The following LRRC53 variants were observed in gnomAD, a reference collection of about 807,000 sequenced individuals.
The protein encoded by LRRC53 is leucine rich repeat containing 53, also known as leucine-rich repeat-containing protein 53.
Under a neutral mutation model 13.6 loss-of-function variants are expected in LRRC53, and 25 were observed. That is an observed-to-expected ratio of 1.83 (90% CI 1.34 to 2.56). The LOEUF (loss-of-function observed/expected upper bound fraction) is 2.56, where lower values mean the gene tolerates loss of function less well. LRRC53 is among the 30% of genes most tolerant of loss of function. LRRC53 has a pLI of 0.00. For synonymous variants in LRRC53, 204 were observed against 109.8 expected, an observed-to-expected ratio of 1.86 and a Z score of -5.37; for missense variants, 527 against 275.8, an observed-to-expected ratio of 1.91 and a Z score of -6.45.
intron 3 of LRRC53, among the ~76,000 whole-genome samples, chr1:74,478,878 G>T (rs1668337085): frequency 6.6e-6 from 1 of 152,060 alleles, no homozygotes; most frequent in Non-Finnish European, 1.5e-5. Context: ...TTATTTCTTA[G>T]CACATACAAT....
chr1:74,511,783 T>C (rs1670240498), intron 1 of LRRC53, among the ~76,000 whole-genome samples: 1 of 151,794 alleles, frequency 6.6e-6, no homozygotes, highest in Non-Finnish European at 1.5e-5. Context: ...CCCGTTTCAC[T>C]TGAGTTTGGC....
intron 4 of LRRC53, among the ~76,000 whole-genome samples, chr1:74,473,628 A>G (rs1668047031): frequency 6.6e-6 from 1 of 151,776 alleles, no homozygotes; most frequent in Non-Finnish European, 1.5e-5. Context: ...GGGTGGGGAT[A>G]CTCCATCTCC....
At position 74,489,589 on chromosome 1, in the gene LRRC53, T is replaced by A. The variant is rs1181934058; in HGVS notation, c.-26-6214A>T. On this transcript the variant is annotated intron_variant, in intron 1 of 4. Coordinates refer to ENST00000294635, the MANE Select transcript of LRRC53 (RefSeq NM_001382280.1). ...TCAATTTTTATGCAAAAATTCTTCA[T>A]ACAGAGATTTGTAAGCCATTGTTCA... is the stretch of plus-strand genomic sequence containing the variant. Among the ~76,000 whole-genome samples the A allele has an allele frequency of 2.0e-5, 3 of 152,216 alleles. No homozygotes were observed. The East Asian group carries it at 5.8e-4, about 29-fold the overall frequency.
At chr1:74,521,626 C>T in the LRRC53 span, among the ~76,000 whole-genome samples, 616 of 152,172 alleles carry the variant, frequency 4.0e-3, 6 homozygotes, top group African/African-American at 0.014. Context: ...TTGGTAAAGA[C>T]GCACTATATT....
At chr1:74,516,286 C>T (rs536071202), upstream of LRRC53, among the ~76,000 whole-genome samples, 7 of 152,262 alleles carry the variant, frequency 4.6e-5, no homozygotes, top group South Asian at 1.2e-3. Flanking sequence ...CACTCATCTG[C>T]TCAATCACTA....
upstream of LRRC53, among the ~76,000 whole-genome samples, chr1:74,516,019 C>G (rs1221583718): frequency 1.3e-5 from 2 of 152,110 alleles, no homozygotes; most frequent in African/African-American, 4.8e-5. Flanking sequence ...TCTTTAGGAG[C>G]CTCACTAGAG....
chr1:74,511,105 C>G (rs1028418721), intron 1 of LRRC53, among the ~76,000 whole-genome samples: 7 of 152,072 alleles, frequency 4.6e-5, no homozygotes, highest in African/African-American at 1.7e-4. Flanking sequence ...CCAGGCTGGT[C>G]TGGAACTCCT....
chr1:74,520,111 T>C, the LRRC53 span, among the ~76,000 whole-genome samples: 41 of 152,048 alleles, frequency 2.7e-4, no homozygotes, highest in African/African-American at 8.7e-4. Context: ...ACCTGAGCAG[T>C]ATATGCTGAA....
At chr1:74,494,726 G>A (rs1669242763) in intron 1 of LRRC53, among the ~76,000 whole-genome samples, 1 of 152,178 alleles carries the variant, frequency 6.6e-6, no homozygotes, top group African/African-American at 2.4e-5. Flanking sequence ...CCATGTACTA[G>A]CTCAATGACC....
At position 74,470,527 on chromosome 1, in the gene LRRC53, A is replaced by G. The variant is rs868095268; in HGVS notation, c.3095T>C (p.Ile1032Thr). The change falls in exon 5 of 5, where the codon ATA (isoleucine) becomes ACA (threonine). Residue 1032 changes from isoleucine to threonine, a missense_variant. Coordinates refer to ENST00000294635, the MANE Select transcript of LRRC53 (RefSeq NM_001382280.1). ...AGTACTGATATCCTTGGGAAGTTCT[A>G]TTCTATTTTGGTATGGAATTGAATT... ...KTNSIPYQNRIELPKDISTSP... is the reference protein window; with the variant it reads ...KTNSIPYQNRTELPKDISTSP... The G allele has an allele frequency of 7.5e-6, 3 of 400,686 alleles. No homozygotes were observed. The highest frequency in any genetic ancestry group is 4.1e-5 in the African/African-American group (2 of 48,804). The allele number at this position is 400,686 out of a possible 1,614,324, so 24.8% of individuals were successfully genotyped here.
upstream of LRRC53, among the ~76,000 whole-genome samples, chr1:74,516,285 G>T (rs1570729471): frequency 6.6e-6 from 1 of 152,266 alleles, no homozygotes; most frequent in East Asian, 1.9e-4. Context: ...TCACTCATCT[G>T]CTCAATCACT....
chr1:74,509,054 C>T (rs373943015), intron 1 of LRRC53, among the ~76,000 whole-genome samples: 9 of 152,200 alleles, frequency 5.9e-5, no homozygotes, highest in African/African-American at 2.2e-4. Context: ...CTGTGTCTAT[C>T]TGAAATTCGG....
At chr1:74,508,336 C>T (rs45589136) in intron 1 of LRRC53, among the ~76,000 whole-genome samples, 2,049 of 152,184 alleles carry the variant, frequency 0.013, 44 homozygotes, top group African/African-American at 0.047. Flanking sequence ...TTATTTTGTA[C>T]CAGATAACAG....
chr1:74,484,118 TA>T (rs1472220408), intron 1 of LRRC53, among the ~76,000 whole-genome samples: 2 of 151,698 alleles, frequency 1.3e-5, no homozygotes, highest in Non-Finnish European at 2.9e-5. Flanking sequence ...ACCTTTATTT[TA>T]AAGCTTTCTC....
intron 3 of LRRC53, among the ~76,000 whole-genome samples, chr1:74,479,297 CTAAG>C (rs1287138292): frequency 2.6e-5 from 4 of 152,138 alleles, no homozygotes; most frequent in Admixed American, 1.3e-4. Context: ...ACTAATGACA[CTAAG>C]TGTCATTTTA....
At chr1:74,510,799 C>G (rs1326706345) in intron 1 of LRRC53, among the ~76,000 whole-genome samples, 1 of 152,228 alleles carries the variant, frequency 6.6e-6, no homozygotes, top group Non-Finnish European at 1.5e-5. Context: ...TCTAGGTACA[C>G]AGCACTGTGT....
chr1:74,519,565 G>A, the LRRC53 span, among the ~76,000 whole-genome samples: 1 of 126,204 alleles, frequency 7.9e-6, no homozygotes, highest in Non-Finnish European at 1.5e-5. Flanking sequence ...ACTTTTTAAT[G>A]ATTGCCTTAC....
intron 1 of LRRC53, among the ~76,000 whole-genome samples, chr1:74,504,372 C>T (rs967474511): frequency 6.6e-6 from 1 of 152,140 alleles, no homozygotes; most frequent in Non-Finnish European, 1.5e-5. Context: ...CTCCAGCCCT[C>T]CTGAATGCTG....
In LRRC53 at chr1:74,470,770, G is replaced by T. The variant is rs491922; in HGVS notation, c.2852C>A (p.Ala951Asp). 2.5e-5 allele frequency: 10 copies of T among 400,266 alleles called. No individual in the cohort carries two copies. Among genetic ancestry groups the T allele is most frequent in the Non-Finnish European group, 2.7e-5 (6 of 226,116 alleles). 24.8% of individuals were successfully genotyped at this position (400,266 alleles called of 1,614,324 possible). ...TGAATTTTGCTCTCTGTGTTGTAAGGCTTCATTTTGGTCTAAAGTGTATTC... is the reference window on the plus strand; with the variant it reads ...TGAATTTTGCTCTCTGTGTTGTAAGTCTTCATTTTGGTCTAAAGTGTATTC... ...NKEYTLDQNEALQHREQNSSH... is the reference protein window; with the variant it reads ...NKEYTLDQNEDLQHREQNSSH... The change falls in exon 5 of 5, where the codon GCC (alanine) becomes GAC (aspartate). Residue 951 changes from alanine (A) to aspartate (D), a missense_variant. Transcript: ENST00000294635.
Sources: gnomAD v4.1 joint callset for allele counts (sites outside exome capture counted in the v4.1 genomes callset) on GRCh38, gnomAD v4.1.1 for gene constraint, MANE v1.5 for transcripts, NCBI Gene and HGNC (gene_info 2026-07-23, HGNC 2026-07-21) for gene names.